The following RBFOX1 variants were observed in gnomAD, a reference collection of about 807,000 sequenced individuals.
RBFOX1 encodes the protein RNA binding protein fox-1 homolog 1.
A neutral mutation model predicts 57.7 loss-of-function variants in RBFOX1; 8 were observed. The ratio of observed to expected loss-of-function variants is 0.14; its 90% confidence interval spans 0.08 to 0.25. The LOEUF (loss-of-function observed/expected upper bound fraction) is 0.25. Ranked by LOEUF, RBFOX1 falls within the 10% of genes least tolerant of loss-of-function variation. RBFOX1 has a pLI of 1.00. For synonymous variants in RBFOX1, 326 were observed against 222.4 expected, an observed-to-expected ratio of 1.47 and a Z score of -4.15; for missense variants, 611 against 548.5, an observed-to-expected ratio of 1.11 and a Z score of -1.14.
exon 3 of RBFOX1, chr16:5,599,301 G>T (rs1353138160): frequency 3.2e-6 from 2 of 625,920 alleles, no homozygotes; most frequent in South Asian, 1.9e-5. Flanking sequence ...CCCAGGTTGT[G>T]GGAGCACGTG....
intron 3 of RBFOX1, among the ~76,000 whole-genome samples, chr16:5,673,718 C>T (rs2050083712): frequency 6.6e-6 from 1 of 152,210 alleles, no homozygotes; most frequent in Non-Finnish European, 1.5e-5. Context: ...GGCATCCCTC[C>T]TGTCTGTATC....
At chr16:5,879,808 T>C (rs974043375) in intron 4 of RBFOX1, among the ~76,000 whole-genome samples, 1 of 152,176 alleles carries the variant, frequency 6.6e-6, no homozygotes, top group Non-Finnish European at 1.5e-5. Context: ...TGCTTCTCTC[T>C]TGTGGCTTCT....
intron 6 of RBFOX1, among the ~76,000 whole-genome samples, chr16:7,581,851 C>G (rs1233821801): frequency 6.6e-6 from 1 of 152,126 alleles, no homozygotes; most frequent in East Asian, 1.9e-4. Flanking sequence ...GCTGGGACTA[C>G]AGGCACAAGC....
intron 1 of RBFOX1, among the ~76,000 whole-genome samples, chr16:5,293,111 A>G (rs990141981): frequency 1.1e-4 from 17 of 151,894 alleles, no homozygotes; most frequent in Admixed American, 9.8e-4. Flanking sequence ...ATTTGAGGCC[A>G]GGAGTTCAAG....
intron 4 of RBFOX1, among the ~76,000 whole-genome samples, chr16:5,997,438 G>C (rs2060510483): frequency 6.6e-6 from 1 of 152,202 alleles, no homozygotes; most frequent in Admixed American, 6.5e-5. Context: ...AGAAAATCCA[G>C]AGCTTAACCA....
At chr16:5,856,529 A>ATG (rs1402419760) in intron 3 of RBFOX1, among the ~76,000 whole-genome samples, 1,690 of 55,284 alleles carry the variant, frequency 0.031, 280 homozygotes, top group South Asian at 0.044. Flanking sequence ...TCTCATTCAT[A>ATG]TATGTGTATG....
intron 3 of RBFOX1, among the ~76,000 whole-genome samples, chr16:7,008,291 C>T (rs1209640464): frequency 6.6e-6 from 1 of 152,036 alleles, no homozygotes; most frequent in Non-Finnish European, 1.5e-5. Flanking sequence ...CCTGTAATCC[C>T]AGCACTTTGG....
chr16:6,898,680 A>G (rs550882482), intron 3 of RBFOX1, among the ~76,000 whole-genome samples: 1 of 152,218 alleles, frequency 6.6e-6, no homozygotes, highest in African/African-American at 2.4e-5. Flanking sequence ...GTGTGTGTAC[A>G]TGTGTATATA....
At chr16:7,598,328 G>A (rs1488662879) in intron 9 of RBFOX1, among the ~76,000 whole-genome samples, 5 of 152,128 alleles carry the variant, frequency 3.3e-5, no homozygotes, top group Non-Finnish European at 7.4e-5. Flanking sequence ...TTAGATAAAT[G>A]ATGATAATAT....
chr16:5,643,110 C>T (rs969801725), intron 3 of RBFOX1, among the ~76,000 whole-genome samples: 28 of 152,302 alleles, frequency 1.8e-4, no homozygotes, highest in African/African-American at 5.8e-4. Flanking sequence ...CTCTAAAAGC[C>T]TCAGCAGCCA....
rs988922023 is a variant in RBFOX1, at chr16:6,583,553, G to T, written c.-63-71050G>T. Among the ~76,000 whole-genome samples the T allele has an allele frequency of 3.9e-5, 6 of 152,310 alleles. No homozygotes were observed. The East Asian group carries it at 9.6e-4, about 24-fold the overall frequency. On this transcript the variant is annotated intron_variant, in intron 2 of 15. Transcript: ENST00000550418. The stretch of plus-strand genomic sequence containing the variant: ...TTATTCCTTTCTTCCAAGTAATTGG[G>T]ATTGGGGAGAGCATCTTGTTACCTG...
rs373899067 is a variant in RBFOX1 at position 7,377,039 on chromosome 16, A to C, written c.28-141108A>C. 2.0e-5 allele frequency among the ~76,000 whole-genome samples: 3 copies of C among 152,352 alleles called. No homozygotes were observed. The South Asian group carries it at 6.2e-4, about 32-fold the overall frequency. On this transcript the variant is annotated intron_variant, in intron 4 of 15. Transcript: ENST00000550418. ...ATAGGTCCCTGTAAAGATTTCTTCA[A>C]AACTGATGGAAGGTATAAATGTTTA...
chr16:5,947,263 G>T lies in RBFOX1; in HGVS notation c.351+79928G>T, dbSNP rs904867033. 3.9e-5 allele frequency among the ~76,000 whole-genome samples: 6 copies of T among 152,150 alleles called. No homozygotes were observed. The highest frequency in any genetic ancestry group is 1.4e-4 in the African/African-American group (6 of 41,432). Reference sequence around the variant, plus strand: ...AAGGCTACTAAGGCTGGAGAGCACAGTGGGTAAGGAGGAGGTGGCCAAGCT... The same window carrying T: ...AAGGCTACTAAGGCTGGAGAGCACATTGGGTAAGGAGGAGGTGGCCAAGCT... On this transcript the variant is annotated intron_variant, in intron 4 of 19. Transcript: ENST00000641259. The surrounding 1 kb of genome is among the most constrained non-coding windows in gnomAD (Gnocchi z 7.2).
intron 2 of RBFOX1, among the ~76,000 whole-genome samples, chr16:6,614,699 C>T (rs1304536111): frequency 2.0e-5 from 3 of 152,118 alleles, no homozygotes; most frequent in Non-Finnish European, 4.4e-5. Flanking sequence ...TGTTCCTCGG[C>T]TTATGGGTCT....
intron 2 of RBFOX1, among the ~76,000 whole-genome samples, chr16:5,505,073 C>T (rs1031381256): frequency 8.6e-6 from 1 of 116,168 alleles, no homozygotes; most frequent in Admixed American, 7.4e-5. Flanking sequence ...ATATACCAAA[C>T]ACCACTTGAG....
chr16:7,054,887 C>A lies in RBFOX1; in HGVS notation c.27+2789C>A, dbSNP rs556331222. Among the ~76,000 whole-genome samples the A allele has an allele frequency of 2.0e-5, 3 of 152,186 alleles. No homozygotes were observed. The South Asian group carries it at 6.2e-4, about 32-fold the overall frequency. ...ATAGTTGTCAAATTTATTCCTTTTC[C>A]TTGGCCTCCTGGAAATAGCAGATGA... On this transcript the variant is annotated intron_variant, in intron 4 of 15. Coordinates refer to ENST00000550418, the MANE Select transcript of RBFOX1 (RefSeq NM_018723.4).
At chr16:5,929,932 G>T (rs975879126) in intron 4 of RBFOX1, among the ~76,000 whole-genome samples, 4 of 151,578 alleles carry the variant, frequency 2.6e-5, no homozygotes, top group Admixed American at 2.6e-4. Context: ...GTCAAGAACA[G>T]ATGTGCTTTG....
chr16:7,617,858 C>T (rs749460096), intron 10 of RBFOX1, among the ~76,000 whole-genome samples: 1 of 152,052 alleles, frequency 6.6e-6, no homozygotes. Flanking sequence ...CATGAGGAGT[C>T]AAGGGGGTGG....
At chr16:7,623,118 CATT>C (rs1321592558) in intron 10 of RBFOX1, among the ~76,000 whole-genome samples, 4 of 152,112 alleles carry the variant, frequency 2.6e-5, no homozygotes, top group Non-Finnish European at 5.9e-5. Context: ...AGGGGACTCT[CATT>C]ATAAGGTAGG....
Sources: gnomAD v4.1 joint callset for allele counts (sites outside exome capture counted in the v4.1 genomes callset) on GRCh38, gnomAD v4.1.1 for gene constraint, Gnocchi (gnomAD v3.1) non-coding constraint, MANE v1.5 for transcripts, NCBI Gene and HGNC (gene_info 2026-07-23, HGNC 2026-07-21) for gene names.